The following CACNA1H variants were observed in gnomAD, a reference collection of about 807,000 sequenced individuals.
CACNA1H encodes voltage-dependent T-type calcium channel subunit alpha-1H.
A neutral mutation model predicts 192.5 loss-of-function variants in CACNA1H; 149 were observed. The observed-to-expected ratio is 0.77, with a 90% CI of 0.68 to 0.89. CACNA1H has a LOEUF of 0.89. CACNA1H is among the 40% of genes least tolerant of loss of function. CACNA1H has a pLI of 0.00. For synonymous variants in CACNA1H, 2,202 were observed against 1,475.2 expected (o/e 1.49, Z -11.29); for missense variants, 4,257 against 3,423.5 (o/e 1.24, Z -6.08).
In CACNA1H at chr16:1,216,991, G is replaced by A. The variant is rs747899082; in HGVS notation, c.5304G>A (p.Val1768=). 7 of 1,597,372 alleles carry A rather than the reference G, an allele frequency of 4.4e-6. No homozygotes were observed. In the South Asian group the frequency reaches 7.9e-5, roughly 18 times the overall value. The change falls in exon 31 of 35, where the codon GTG becomes GTA. Residue 1768 remains valine, a synonymous_variant. Coordinates refer to ENST00000348261, the MANE Select transcript of CACNA1H (RefSeq NM_021098.3). ...TTTTTATCTATGCTGCGCTGGGAGT[G>A]GAGCTGTTCGGGAGGCTGGGTGAGT... ...LLFFIYAALG[V]ELFGRLECSE...
rs1437198493 is a variant in CACNA1H at position 1,215,325 on chromosome 16, C to T, written c.5123C>T (p.Pro1708Leu). 2 of 1,611,648 alleles carry T rather than the reference C, an allele frequency of 1.2e-6. No homozygotes were observed. Among genetic ancestry groups the T allele is most frequent in the Non-Finnish European group, 1.7e-6 (2 of 1,179,384 alleles). The change falls in exon 29 of 35, where the codon CCC (proline) becomes CTC (leucine). Residue 1708 changes from proline (P) to leucine (L), a missense_variant. Transcript: ENST00000348261. Reference sequence around the variant, plus strand: ...GAGATAGAGATGAGCGCCGCGCTGCCCATCAACCCCACCATCATCCGCATC... The same window carrying T: ...GAGATAGAGATGAGCGCCGCGCTGCTCATCAACCCCACCATCATCCGCATC... ...LEEIEMSAAL[P>L]INPTIIRIMR...
chr16:1,214,749 G>A (rs914318937), intron 27 of CACNA1H, among the ~76,000 whole-genome samples: 6 of 152,136 alleles, frequency 3.9e-5, no homozygotes, highest in Admixed American at 1.3e-4. Flanking sequence ...TGCTGGGAGG[G>A]TACCTTTCAC....
rs761025927 is a variant in CACNA1H, at chr16:1,202,074, G to A, written c.1624G>A (p.Glu542Lys). 9.7e-6 allele frequency: 15 copies of A among 1,540,694 alleles called. No homozygotes were observed. The highest frequency in any genetic ancestry group is 3.9e-5 in the Admixed American group (2 of 50,844). ...TGGCAGCCCCCGCAGGCCCGGCCCC[G>A]AGCCAGGCGCCTGCGACACCAGGCT... ...SHGSPRRPGP[E>K]PGACDTRLVR... The change falls in exon 9 of 35, where the codon GAG (glutamate) becomes AAG (lysine). Residue 542 changes from glutamate to lysine, a missense_variant. Transcript: ENST00000348261.
At chr16:1,182,219 G>A (rs748963397) in intron 2 of CACNA1H, among the ~76,000 whole-genome samples, 1 of 152,214 alleles carries the variant, frequency 6.6e-6, no homozygotes, top group Non-Finnish European at 1.5e-5. Flanking sequence ...GGGTGGAGGA[G>A]GCGGGCCTCA....
At chr16:1,196,815 G>T (rs1171106646) in intron 5 of CACNA1H, among the ~76,000 whole-genome samples, 1 of 152,172 alleles carries the variant, frequency 6.6e-6, no homozygotes, top group East Asian at 1.9e-4. Flanking sequence ...TGCATCAGGG[G>T]ATGGGGTGGG....
intron 2 of CACNA1H, among the ~76,000 whole-genome samples, chr16:1,194,230 G>C (rs368128395): frequency 6.6e-6 from 1 of 152,152 alleles, no homozygotes; most frequent in Non-Finnish European, 1.5e-5. Flanking sequence ...TCTCCTCCTC[G>C]GTTCCCACGT....
At position 1,165,533 on chromosome 16, in the gene CACNA1H, G is replaced by A. The variant is rs563532944; in HGVS notation, c.299+11497G>A. On this transcript the variant is annotated intron_variant, in intron 2 of 34. Coordinates refer to ENST00000348261, the MANE Select transcript of CACNA1H (RefSeq NM_021098.3). Reference sequence around the variant, plus strand: ...GCTCCAGGTGGAGAGAGAGGCGCCTGGGCCCCCCTCCCCACCTGGCCTCCG... The same window carrying A: ...GCTCCAGGTGGAGAGAGAGGCGCCTAGGCCCCCCTCCCCACCTGGCCTCCG... 4.5e-3 allele frequency among the ~76,000 whole-genome samples: 657 copies of A among 145,360 alleles called. 4 individuals carry two copies. The highest frequency in any genetic ancestry group is 0.017 in the African/African-American group (610 of 35,014).
intron 8 of CACNA1H, among the ~76,000 whole-genome samples, chr16:1,201,052 C>G (rs183849936): frequency 6.6e-6 from 1 of 152,172 alleles, no homozygotes; most frequent in East Asian, 1.9e-4. Context: ...CCAGGAACAC[C>G]CTGGGGAGTG....
At chr16:1,185,331 T>G (rs970016698) in intron 2 of CACNA1H, among the ~76,000 whole-genome samples, 3 of 152,108 alleles carry the variant, frequency 2.0e-5, no homozygotes, top group African/African-American at 7.2e-5. Flanking sequence ...CCGTCTGTCG[T>G]GAGTGCCCGT....
At chr16:1,168,045 G>A (rs1440533724) in intron 2 of CACNA1H, among the ~76,000 whole-genome samples, 8 of 152,194 alleles carry the variant, frequency 5.3e-5, no homozygotes, top group Non-Finnish European at 8.8e-5. Flanking sequence ...CATTTTGTAA[G>A]GAGCCGCTGT....
At chr16:1,209,529 G>C in intron 17 of CACNA1H, 117 bp downstream of exon 17, 1 of 1,304,542 alleles carries the variant, frequency 7.7e-7, no homozygotes, top group Non-Finnish European at 1.1e-6. Flanking sequence ...GGATTCAGAA[G>C]GGGAGAGAAG....
rs1970357171 is a variant in CACNA1H, at chr16:1,220,022, C to T, written c.6090C>T (p.Ser2030=). 2.8e-6 allele frequency: 4 copies of T among 1,406,134 alleles called. No individual in the cohort carries two copies. The African/African-American group carries it at 4.5e-5, about 16-fold the overall frequency. The allele number at this position is 1,406,134 out of a possible 1,614,324, so 87.1% of individuals were successfully genotyped here. A position where few individuals can be genotyped will look rare whatever the true frequency, so the allele number is the denominator to read the frequency against. Residue 2030 remains serine, a synonymous_variant, in exon 35 of 35, where the codon AGC becomes AGT. Transcript: ENST00000348261. The part of the protein sequence containing the change: ...HTDSLEGKID[S]PRDTLDPAEP... ...ATTCCTTGGAAGGGAAGATTGACAG[C>T]CCTAGGGACACCCTGGATCCTGCAG...
chr16:1,211,553 G>T lies in CACNA1H; in HGVS notation c.4423G>T (p.Ala1475Ser). The T allele has an allele frequency of 5.6e-6, 9 of 1,612,164 alleles. No individual in the cohort carries two copies. Among genetic ancestry groups the T allele is most frequent in the Non-Finnish European group, 5.9e-6 (7 of 1,179,614 alleles). The change falls in exon 23 of 35, where the codon GCC becomes TCC. Residue 1475 changes from alanine to serine, a missense_variant. By Grantham distance (99) the Ala-to-Ser change is moderately conservative. Transcript: ENST00000348261. ...RNISTKAQCR[A>S]AHYRWVRRKY... ...CATCTCCACCAAGGCACAGTGCCGG[G>T]CCGCCCACTACCGCTGGGTGCGACG...
In CACNA1H at chr16:1,198,272, C is replaced by T. The variant is rs143670120; in HGVS notation, c.644-343C>T. On this transcript the variant is annotated intron_variant, in intron 5 of 34. Transcript: ENST00000348261. ...ACCTGCCGCAGCCAGTTCCCTGCCT[C>T]GGCCAGTCCCCTGCCTCCACTCCTG... Among the ~76,000 whole-genome samples the T allele has an allele frequency of 3.3e-3, 508 of 152,238 alleles. 3 individuals are homozygous for T. The highest frequency in any genetic ancestry group is 0.012 in the African/African-American group (481 of 41,534).
chr16:1,190,522 A>C (rs1184770115), intron 2 of CACNA1H, among the ~76,000 whole-genome samples: 2 of 152,208 alleles, frequency 1.3e-5, no homozygotes, highest in African/African-American at 4.8e-5. Context: ...CCAGGGGGGC[A>C]CTGGGACCTG....
rs1969484095 is a variant in CACNA1H at position 1,211,825 on chromosome 16, G to A, written c.4566+20G>A. On this transcript the variant is annotated intron_variant, in intron 24 of 34. Transcript: ENST00000348261. ...CAGCAGGTGCGCACAGGCGGGTCGA[G>A]CTGGGTCACCTCAGGGTCTCCCGCG... 1 of 1,611,568 alleles carries A rather than the reference G, an allele frequency of 6.2e-7. No individual in the cohort carries two copies. Among genetic ancestry groups the A allele is most frequent in the East Asian group, 2.2e-5 (1 of 44,860 alleles).
intron 2 of CACNA1H, chr16:1,157,985 C>G (rs986614881): frequency 6.7e-6 from 1 of 149,492 alleles, no homozygotes; most frequent in Non-Finnish European, 1.5e-5. Flanking sequence ...CCGTGGCGCC[C>G]TTGCCCGTGG....
At chr16:1,175,022 A>C (rs1964735366) in intron 2 of CACNA1H, among the ~76,000 whole-genome samples, 1 of 150,040 alleles carries the variant, frequency 6.7e-6, no homozygotes, top group African/African-American at 2.5e-5. Flanking sequence ...ATGGACTGTG[A>C]GGCCAGCTAG....
rs368488309 is a variant in CACNA1H, at chr16:1,221,743, G to A, written c.*749G>A. ...CAAGGGAGAGGGAGGGGGCGGAGCG[G>A]AATAAATAGTAACTTATTTAAGAAA... is the stretch of plus-strand genomic sequence containing the variant. On this transcript the variant is annotated 3_prime_UTR_variant, in exon 35 of 35. Transcript: ENST00000348261. 1.5e-5 allele frequency: 23 copies of A among 1,525,644 alleles called. 1 individual carries two copies. In the African/African-American group the frequency reaches 2.6e-4, roughly 17 times the overall value. The allele number at this position is 1,525,644 out of a possible 1,614,324, so 94.5% of individuals were successfully genotyped here.
Sources: allele counts gnomAD v4.1 joint callset (sites outside exome capture counted in the v4.1 genomes callset), GRCh38; gene constraint gnomAD v4.1.1; transcripts MANE v1.5; gene names NCBI Gene and HGNC (gene_info 2026-07-23, HGNC 2026-07-21).